The following CCDC146 variants were observed in gnomAD, a reference collection of about 807,000 sequenced individuals.
CCDC146 encodes coiled-coil domain-containing protein 146.
CCDC146 carries 92 observed loss-of-function variants against 119.3 expected under a neutral mutation model. The ratio of observed to expected loss-of-function variants is 0.77; its 90% CI spans 0.65 to 0.92. The LOEUF is 0.92. CCDC146 is among the 40% of genes least tolerant of loss of function. The pLI is 0.00. For missense variants in CCDC146, 1,000 were observed against 1,103.0 expected (o/e 0.91, Z 1.32); for synonymous variants, 372 against 371.8 (o/e 1.00, Z -0.01).
At chr7:77,148,548 G>A (rs542720056) in intron 1 of CCDC146, among the ~76,000 whole-genome samples, 1 of 151,690 alleles carries the variant, frequency 6.6e-6, no homozygotes, top group South Asian at 2.1e-4. Context: ...AGCCATCTTG[G>A]AACCGTCCCC....
chr7:77,240,432 G>A (rs902895949), intron 3 of CCDC146, among the ~76,000 whole-genome samples: 1 of 152,164 alleles, frequency 6.6e-6, no homozygotes, highest in African/African-American at 2.4e-5. Flanking sequence ...AGGACCTCCT[G>A]CAGATACCAA....
chr7:77,154,341 T>C (rs1036954118), intron 1 of CCDC146, among the ~76,000 whole-genome samples: 1 of 152,136 alleles, frequency 6.6e-6, no homozygotes, highest in Admixed American at 6.5e-5. Flanking sequence ...AGTTCTAGGG[T>C]ACATGTGCAC....
At chr7:77,266,186 G>A (rs1344822228) in intron 9 of CCDC146, among the ~76,000 whole-genome samples, 1 of 152,162 alleles carries the variant, frequency 6.6e-6, no homozygotes, top group Non-Finnish European at 1.5e-5. Flanking sequence ...TCATGTCCAA[G>A]ATTGTGACAA....
At chr7:77,154,520 T>G (rs1791152467) in intron 1 of CCDC146, among the ~76,000 whole-genome samples, 1 of 149,192 alleles carries the variant, frequency 6.7e-6, no homozygotes, top group Non-Finnish European at 1.5e-5. Context: ...GTGTTCTCAT[T>G]GTTCAATTCC....
intron 4 of CCDC146, among the ~76,000 whole-genome samples, chr7:77,250,734 G>T (rs1793040752): frequency 6.6e-6 from 1 of 151,244 alleles, no homozygotes; most frequent in South Asian, 2.1e-4. Flanking sequence ...AATTTCTCGT[G>T]TTCCTTTCTT....
intron 1 of CCDC146, among the ~76,000 whole-genome samples, chr7:77,129,621 A>C (rs1472370668): frequency 1.3e-5 from 2 of 152,054 alleles, no homozygotes; most frequent in African/African-American, 4.8e-5. Flanking sequence ...CCCCATGAAT[A>C]AGGAGATACT....
chr7:77,225,170 T>C (rs917514824), intron 2 of CCDC146, among the ~76,000 whole-genome samples: 5 of 152,226 alleles, frequency 3.3e-5, no homozygotes, highest in Non-Finnish European at 7.3e-5. Flanking sequence ...CATATGTACA[T>C]TGATTCATTT....
In CCDC146 at chr7:77,280,591, C is replaced by A; in HGVS notation, c.1857C>A (p.Ile619=). The A allele has an allele frequency of 6.2e-7, 1 of 1,613,954 alleles. No individual in the cohort carries two copies. The highest frequency in any genetic ancestry group is 1.1e-5 in the South Asian group (1 of 91,028). The stretch of plus-strand genomic sequence containing the variant: ...GACTTGCCAACACGATCACAATGAT[C>A]GAAGAGGAGATGGTGCAGCTTCGCA... ...IDRLANTITM[I]EEEMVQLRKR... is the part of the protein sequence containing the mutation. The change falls in exon 14 of 19, where the codon ATC becomes ATA. Residue 619 remains isoleucine (I), a synonymous_variant. Coordinates refer to ENST00000285871, the MANE Select transcript of CCDC146 (RefSeq NM_020879.3).
At chr7:77,249,140 C>T (rs1793008913) in intron 4 of CCDC146, among the ~76,000 whole-genome samples, 1 of 152,174 alleles carries the variant, frequency 6.6e-6, no homozygotes, top group Admixed American at 6.5e-5. Context: ...CTTCTCCTTG[C>T]ACTTCTATCA....
chr7:77,128,650 G>A (rs368980857), intron 1 of CCDC146, among the ~76,000 whole-genome samples: 56 of 151,306 alleles, frequency 3.7e-4, no homozygotes, highest in African/African-American at 1.2e-3. Flanking sequence ...TTTTCTTTCC[G>A]TTTTGGTCTG....
intron 7 of CCDC146, among the ~76,000 whole-genome samples, chr7:77,259,808 A>C (rs1249330163): frequency 6.6e-6 from 1 of 152,148 alleles, no homozygotes; most frequent in Non-Finnish European, 1.5e-5. Context: ...CACTCAGTGG[A>C]GATACCCTCC....
chr7:77,176,763 A>T (rs1026833269), intron 2 of CCDC146, among the ~76,000 whole-genome samples: 7 of 152,148 alleles, frequency 4.6e-5, no homozygotes, highest in African/African-American at 1.7e-4. Context: ...GGATATTCAC[A>T]TATTCAAAAG....
At chr7:77,199,727 C>G (rs1481445135) in intron 2 of CCDC146, 2 of 1,613,950 alleles carry the variant, frequency 1.2e-6, no homozygotes, top group Non-Finnish European at 1.7e-6. Flanking sequence ...TCATTGTTTG[C>G]CACAACCAAA....
intron 1 of CCDC146, among the ~76,000 whole-genome samples, chr7:77,126,358 A>G (rs1405719471): frequency 6.6e-6 from 1 of 152,074 alleles, no homozygotes; most frequent in Non-Finnish European, 1.5e-5. Context: ...CTCTGTGGCC[A>G]CAGCACCTTT....
At position 77,199,529 on chromosome 7, in the gene CCDC146, C is replaced by T. The variant is rs766309139; in HGVS notation, c.156+31705C>T. 8.7e-6 allele frequency: 14 copies of T among 1,614,000 alleles called. No homozygotes were observed. The highest frequency in any genetic ancestry group is 1.2e-5 in the Non-Finnish European group (14 of 1,180,020). ...TGGCAAGATTTCTTTAGACTATTTACGATTTCCTTGAGGTTTTGGACTTCT... is the reference window on the plus strand; with the variant it reads ...TGGCAAGATTTCTTTAGACTATTTATGATTTCCTTGAGGTTTTGGACTTCT... On this transcript the variant is annotated intron_variant, in intron 2 of 18. Coordinates refer to ENST00000285871, the MANE Select transcript of CCDC146 (RefSeq NM_020879.3).
chr7:77,208,390 T>A (rs1189419776), intron 2 of CCDC146, among the ~76,000 whole-genome samples: 1 of 151,938 alleles, frequency 6.6e-6, no homozygotes, highest in Admixed American at 6.5e-5. Context: ...GTATAGCCTA[T>A]TGCTCCTAGG....
chr7:77,259,202 G>T lies in CCDC146; in HGVS notation c.758+134G>T, dbSNP rs1451211858. 4.4e-5 allele frequency: 24 copies of T among 548,472 alleles called. No homozygotes were observed. The South Asian group carries it at 5.6e-4, about 13-fold the overall frequency. The allele number at this position is 548,472 out of a possible 1,614,324, so 34.0% of individuals were successfully genotyped here. ...AAATTTCTGCTTTGGGCCCTGTCTAGGTTGTTTATATCAAGTTCTTTAAAA... is the reference window on the plus strand; with the variant it reads ...AAATTTCTGCTTTGGGCCCTGTCTATGTTGTTTATATCAAGTTCTTTAAAA... On this transcript the variant is annotated intron_variant, in intron 7 of 18. Coordinates refer to ENST00000285871, the MANE Select transcript of CCDC146 (RefSeq NM_020879.3).
chr7:77,245,909 A>G (rs959442780), intron 4 of CCDC146, among the ~76,000 whole-genome samples: 1 of 152,160 alleles, frequency 6.6e-6, no homozygotes, highest in Non-Finnish European at 1.5e-5. Context: ...GGCAACAAAT[A>G]TCTTAAAAGA....
At chr7:77,199,526 T>A in intron 2 of CCDC146, 1 of 1,614,156 alleles carries the variant, frequency 6.2e-7, no homozygotes, top group South Asian at 1.1e-5. Flanking sequence ...TTTAGACTAT[T>A]TACGATTTCC....
Sources: allele counts gnomAD v4.1 joint callset (sites outside exome capture counted in the v4.1 genomes callset), GRCh38; gene constraint gnomAD v4.1.1; transcripts MANE v1.5; gene names NCBI Gene and HGNC (gene_info 2026-07-23, HGNC 2026-07-21).